The following TPRG1 variants were observed in gnomAD, a reference collection of about 807,000 sequenced individuals.
TPRG1 encodes tumor protein p63 regulated 1.
In TPRG1, 29 loss-of-function variants were observed where a neutral mutation model predicts 29.3. The ratio of observed to expected loss-of-function variants is 0.99; its 90% CI spans 0.74 to 1.35. The LOEUF (loss-of-function observed/expected upper bound fraction) is 1.35. Among genes scored for constraint, TPRG1 ranks in the 40% most tolerant of loss-of-function variants. The pLI is 0.00. For missense variants in TPRG1, 327 were observed against 335.0 expected (o/e 0.98, Z 0.19); for synonymous variants, 130 against 116.8 (o/e 1.11, Z -0.73).
chr3:189,070,906 C>T (rs563113056), intron 4 of TPRG1, among the ~76,000 whole-genome samples: 29 of 152,010 alleles, frequency 1.9e-4, no homozygotes, highest in South Asian at 6.2e-4. Flanking sequence ...ATAGAGGCCA[C>T]AAAGCTGAGG....
At chr3:189,156,364 A>T (rs1726674035) in intron 5 of TPRG1, among the ~76,000 whole-genome samples, 1 of 152,176 alleles carries the variant, frequency 6.6e-6, no homozygotes, top group Non-Finnish European at 1.5e-5. Flanking sequence ...GTAAAAAAAA[A>T]AAAAAATTAT....
chr3:189,152,081 C>T (rs1726010447), intron 5 of TPRG1, among the ~76,000 whole-genome samples: 1 of 152,126 alleles, frequency 6.6e-6, no homozygotes, highest in Non-Finnish European at 1.5e-5. Context: ...CTAGGGACTG[C>T]AGGAGCTAGA....
intron 4 of TPRG1, among the ~76,000 whole-genome samples, chr3:189,262,819 G>A (rs749002257): frequency 6.6e-6 from 1 of 152,186 alleles, no homozygotes; most frequent in Non-Finnish European, 1.5e-5. Context: ...GGGCTTATCT[G>A]GGGGAAGATC....
chr3:189,090,054 G>A (rs1437304380), intron 4 of TPRG1, among the ~76,000 whole-genome samples: 1 of 151,552 alleles, frequency 6.6e-6, no homozygotes, highest in Non-Finnish European at 1.5e-5. Flanking sequence ...TTATTTCATT[G>A]TTATTTTATA....
chr3:189,240,812 A>T (rs1366045807), intron 4 of TPRG1, among the ~76,000 whole-genome samples: 4 of 152,152 alleles, frequency 2.6e-5, no homozygotes. Context: ...TTAAAAGTAC[A>T]TATCTACACA....
intron 4 of TPRG1, among the ~76,000 whole-genome samples, chr3:189,043,739 G>A (rs1714784554): frequency 6.6e-6 from 1 of 152,042 alleles, no homozygotes; most frequent in Non-Finnish European, 1.5e-5. Flanking sequence ...GGTGACATTG[G>A]CATTTCTGCT....
chr3:189,094,410 G>A (rs536238315), intron 4 of TPRG1, among the ~76,000 whole-genome samples: 39 of 152,196 alleles, frequency 2.6e-4, no homozygotes, highest in Admixed American at 2.3e-3. Context: ...CTATGCCTCT[G>A]CATGCCTACT....
chr3:189,258,185 T>C (rs964123180), intron 4 of TPRG1, among the ~76,000 whole-genome samples: 2 of 152,126 alleles, frequency 1.3e-5, no homozygotes, highest in Admixed American at 1.3e-4. Context: ...ATGGAGTTTT[T>C]GTGTGGTCAT....
chr3:189,083,888 A>G (rs1399295087), intron 4 of TPRG1, among the ~76,000 whole-genome samples: 1 of 152,172 alleles, frequency 6.6e-6, no homozygotes, highest in Non-Finnish European at 1.5e-5. Context: ...GTTATTAAAA[A>G]CAAAATGGGT....
upstream of TPRG1, chr3:189,100,036 A>G (rs1719000253): frequency 6.6e-6 from 1 of 152,282 alleles, no homozygotes; most frequent in Admixed American, 6.5e-5. Flanking sequence ...ACGAATCAAG[A>G]CGAGAGGACT....
chr3:189,004,698 T>A (rs1712197030), exon 3 of TPRG1: 1 of 152,126 alleles, frequency 6.6e-6, no homozygotes, highest in African/African-American at 2.4e-5. Flanking sequence ...AGATTCTTTC[T>A]CCTTTTCTAG....
At chr3:189,257,494 C>T (rs1278067740) in intron 4 of TPRG1, among the ~76,000 whole-genome samples, 1 of 152,004 alleles carries the variant, frequency 6.6e-6, no homozygotes, top group Non-Finnish European at 1.5e-5. Context: ...TGGGGTTGCG[C>T]TTCTCGAGGA....
chr3:189,128,421 T>A (rs985118574), intron 2 of TPRG1, among the ~76,000 whole-genome samples: 2 of 152,136 alleles, frequency 1.3e-5, no homozygotes, highest in African/African-American at 2.4e-5. Context: ...AAGAAAAAAA[T>A]TGTTTTAAGT....
At chr3:189,313,766 A>G (rs1723061652) in intron 5 of TPRG1, among the ~76,000 whole-genome samples, 1 of 152,194 alleles carries the variant, frequency 6.6e-6, no homozygotes, top group Non-Finnish European at 1.5e-5. Flanking sequence ...TGTGGAAGGC[A>G]GTGCTTAACA....
chr3:189,157,356 G>A (rs559919960), intron 5 of TPRG1, among the ~76,000 whole-genome samples: 1 of 152,154 alleles, frequency 6.6e-6, no homozygotes, highest in African/African-American at 2.4e-5. Flanking sequence ...CAGTTAAGAG[G>A]CCTTACTTCT....
intron 4 of TPRG1, among the ~76,000 whole-genome samples, chr3:189,264,533 T>C (rs1248639360): frequency 7.6e-6 from 1 of 132,164 alleles, no homozygotes; most frequent in African/African-American, 3.9e-5. Context: ...TCATATTTCT[T>C]TTTTTTTCAT....
intron 4 of TPRG1, among the ~76,000 whole-genome samples, chr3:189,053,220 C>T (rs536230504): frequency 1.3e-5 from 2 of 152,296 alleles, no homozygotes; most frequent in East Asian, 3.9e-4. Context: ...TTTCTTTAAA[C>T]CTCATGAACC....
chr3:189,269,988 T>C (rs1408942836), intron 4 of TPRG1, among the ~76,000 whole-genome samples: 1 of 152,042 alleles, frequency 6.6e-6, no homozygotes, highest in East Asian at 1.9e-4. Flanking sequence ...ACAGGCTCCC[T>C]GACGTTGGCT....
At chr3:189,196,603 G>A (rs1453399151) in intron 1 of TPRG1, among the ~76,000 whole-genome samples, 2 of 152,068 alleles carry the variant, frequency 1.3e-5, no homozygotes, top group Non-Finnish European at 2.9e-5. Context: ...AGAACAGCAT[G>A]GAAAAGACTG....
Sources: gnomAD v4.1 joint callset for allele counts (sites outside exome capture counted in the v4.1 genomes callset) on GRCh38, gnomAD v4.1.1 for gene constraint, MANE v1.5 for transcripts, NCBI Gene and HGNC (gene_info 2026-07-23, HGNC 2026-07-21) for gene names.